Variants in MICU1 observed in about 807,000 individuals in gnomAD.
The protein encoded by MICU1 is calcium uptake protein 1, mitochondrial.
MICU1 carries 45 observed loss-of-function variants against 56.8 expected under a neutral mutation model. That is an observed-to-expected ratio of 0.79 (90% CI 0.62 to 1.02). MICU1 has a LOEUF of 1.02. Among genes scored for constraint, MICU1 ranks in the 50% least tolerant of loss-of-function variants. The pLI is 0.00. For missense variants in MICU1, 504 were observed against 587.1 expected, an observed-to-expected ratio of 0.86 and a Z score of 1.46; for synonymous variants, 186 against 195.1, an observed-to-expected ratio of 0.95 and a Z score of 0.39.
intron 8 of MICU1, among the ~76,000 whole-genome samples, chr10:72,441,615 C>CTTTTTTTTTTTTTTTTTTTT (rs71018287): frequency 9.5e-6 from 1 of 105,474 alleles, no homozygotes; most frequent in African/African-American, 3.7e-5. Context: ...TTTAATTTTT[C>CTTTTTTTTTTTTTTTTTTTT]TTTTTTTTTT....
chr10:72,464,295 CAAAAAAAAAA>C (rs58499998), intron 8 of MICU1, among the ~76,000 whole-genome samples: 61,885 of 99,962 alleles, frequency 0.62, 17,277 homozygotes, highest in Non-Finnish European at 0.71. Context: ...GATTCTGTCT[CAAAAAAAAAA>C]AAAAAAAAAA....
chr10:72,525,634 G>A (rs1345888816), intron 5 of MICU1, among the ~76,000 whole-genome samples: 15 of 152,192 alleles, frequency 9.9e-5, no homozygotes, highest in African/African-American at 3.6e-4. Context: ...ATTACGCAGA[G>A]GGTATACTAG....
intron 4 of MICU1, among the ~76,000 whole-genome samples, chr10:72,550,767 A>G (rs915614152): frequency 6.6e-6 from 1 of 152,168 alleles, no homozygotes; most frequent in Admixed American, 6.5e-5. Flanking sequence ...ATTCCTTTTC[A>G]TTCAACTGAA....
In MICU1 at chr10:72,375,882, GAA is replaced by G. The variant is rs776409792; in HGVS notation, c.1181-12_1181-11del. The G allele has an allele frequency of 6.3e-7, 1 of 1,586,996 alleles. No homozygotes were observed. Among genetic ancestry groups the G allele is most frequent in the Non-Finnish European group, 8.6e-7 (1 of 1,163,710 alleles). On this transcript the variant is annotated splice_polypyrimidine_tract_variant and intron_variant, in intron 10 of 11. Transcript: ENST00000361114. Reference sequence around the variant, plus strand: ...ACCTGCTGCATGGTCACTGAAAAAAGAAAGAGGTGCATTAGCACAGCAGAGGG... The same window carrying G: ...ACCTGCTGCATGGTCACTGAAAAAAGAGAGGTGCATTAGCACAGCAGAGGG...
intron 10 of MICU1, among the ~76,000 whole-genome samples, chr10:72,393,369 C>T (rs1038367850): frequency 1.1e-4 from 17 of 152,018 alleles, no homozygotes; most frequent in Admixed American, 7.9e-4. Flanking sequence ...AAGGTCTTCC[C>T]GAGGAAATGA....
intron 8 of MICU1, among the ~76,000 whole-genome samples, chr10:72,438,695 C>G (rs576107899): frequency 6.6e-6 from 1 of 152,068 alleles, no homozygotes; most frequent in African/African-American, 2.4e-5. Flanking sequence ...CAAATAGATA[C>G]AATAGAAAAT....
At chr10:72,522,830 G>A (rs908336539) in intron 5 of MICU1, among the ~76,000 whole-genome samples, 1 of 152,110 alleles carries the variant, frequency 6.6e-6, no homozygotes, top group African/African-American at 2.4e-5. Context: ...ATTCATACTA[G>A]TGTCACCAAA....
chr10:72,393,941 G>T (rs1863162617), intron 10 of MICU1, among the ~76,000 whole-genome samples: 2 of 152,014 alleles, frequency 1.3e-5, no homozygotes, highest in Admixed American at 1.3e-4. Flanking sequence ...GCTAATTTTT[G>T]TATTTTTAGT....
At chr10:72,439,769 C>G (rs577520136) in intron 8 of MICU1, among the ~76,000 whole-genome samples, 26 of 152,044 alleles carry the variant, frequency 1.7e-4, no homozygotes, top group Middle Eastern at 6.8e-3. Flanking sequence ...AGACAGAGAG[C>G]CAAATCATGA....
intron 10 of MICU1, among the ~76,000 whole-genome samples, chr10:72,398,494 G>T (rs1448003276): frequency 3.3e-5 from 5 of 151,828 alleles, no homozygotes; most frequent in African/African-American, 1.2e-4. Context: ...AAAGATCAAT[G>T]AATCTAGGAG....
At chr10:72,464,560 C>T (rs936322184) in intron 8 of MICU1, among the ~76,000 whole-genome samples, 34 of 151,956 alleles carry the variant, frequency 2.2e-4, no homozygotes, top group African/African-American at 7.7e-4. Context: ...AGGTTTGTAG[C>T]GTAGAAGCAA....
intron 1 of MICU1, among the ~76,000 whole-genome samples, chr10:72,588,298 C>A (rs1024299970): frequency 6.7e-6 from 1 of 149,890 alleles, no homozygotes; most frequent in African/African-American, 2.4e-5. Flanking sequence ...AATTAAACCT[C>A]TTTTCTTCAT....
intron 4 of MICU1, among the ~76,000 whole-genome samples, chr10:72,540,359 GT>G (rs1483242596): frequency 6.6e-6 from 1 of 151,706 alleles, no homozygotes; most frequent in African/African-American, 2.4e-5. Context: ...CTGCAGTATG[GT>G]TTGTAATGAT....
At chr10:72,407,145 G>T (rs1254292450) in intron 10 of MICU1, among the ~76,000 whole-genome samples, 1 of 152,164 alleles carries the variant, frequency 6.6e-6, no homozygotes, top group African/African-American at 2.4e-5. Context: ...CTGTGAAGGG[G>T]ACTGAAAGAA....
At chr10:72,561,076 A>G (rs959326759) in intron 3 of MICU1, among the ~76,000 whole-genome samples, 6 of 152,252 alleles carry the variant, frequency 3.9e-5, no homozygotes, top group African/African-American at 1.4e-4. Context: ...TTATCCTTGA[A>G]CAGGGAAAAG....
At chr10:72,391,713 A>G (rs1207865449) in intron 10 of MICU1, among the ~76,000 whole-genome samples, 1 of 152,208 alleles carries the variant, frequency 6.6e-6, no homozygotes. Context: ...ACTATTTGGA[A>G]AACCTCATAG....
intron 10 of MICU1, among the ~76,000 whole-genome samples, chr10:72,386,474 G>T (rs940805236): frequency 1.3e-4 from 19 of 151,740 alleles, no homozygotes; most frequent in Admixed American, 3.3e-4. Context: ...GAGCCACTGT[G>T]CCCGGACAAG....
At chr10:72,574,434 G>C (rs531616342) in intron 1 of MICU1, among the ~76,000 whole-genome samples, 1 of 151,986 alleles carries the variant, frequency 6.6e-6, no homozygotes, top group African/African-American at 2.4e-5. Context: ...CAGGAGAATC[G>C]CTTGAACCCA....
chr10:72,438,599 A>T (rs1186424912), intron 8 of MICU1, among the ~76,000 whole-genome samples: 1 of 152,232 alleles, frequency 6.6e-6, no homozygotes, highest in Non-Finnish European at 1.5e-5. Context: ...AAAAAAATCA[A>T]TGAATCCAGG....
Sources: gnomAD v4.1 joint callset for allele counts (sites outside exome capture counted in the v4.1 genomes callset) on GRCh38, gnomAD v4.1.1 for gene constraint, MANE v1.5 for transcripts, NCBI Gene and HGNC (gene_info 2026-07-23, HGNC 2026-07-21) for gene names.